SKA2: variants seen among roughly 807,000 people sequenced by gnomAD.
The protein encoded by SKA2 is spindle and kinetochore associated complex subunit 2.
Under a neutral mutation model 16.9 loss-of-function variants are expected in SKA2, and 13 were observed. The ratio of observed to expected loss-of-function variants is 0.77; its 90% CI spans 0.50 to 1.22. The LOEUF is 1.22. Among genes scored for constraint, SKA2 ranks in the 50% most tolerant of loss-of-function variants. The pLI is 0.00. For synonymous variants in SKA2, 47 were observed against 48.5 expected (o/e 0.97, Z 0.13); for missense variants, 107 against 139.7 (o/e 0.77, Z 1.18).
Position 59,112,275 on chromosome 17 carries a change from C to T in SKA2, c.*2G>A. On this transcript the variant is annotated 3_prime_UTR_variant, in exon 4 of 4. Transcript: ENST00000330137. ...TAGAATTTCCTTTCCAAGTCCATTT[C>T]TTCATAAATCTGGCATGTGAAATTT... 3 of 1,608,430 alleles carry T rather than the reference C, an allele frequency of 1.9e-6. No homozygotes were observed. The highest frequency in any genetic ancestry group is 2.5e-6 in the Non-Finnish European group (3 of 1,178,178).
At chr17:59,139,946 A>T (rs2046475497) in intron 1 of SKA2, among the ~76,000 whole-genome samples, 2 of 152,206 alleles carry the variant, frequency 1.3e-5, no homozygotes, top group Admixed American at 1.3e-4. Context: ...ACTACCCTTT[A>T]AAACACGTTT....
chr17:59,122,503 C>T (rs1489584892), intron 2 of SKA2, among the ~76,000 whole-genome samples: 1 of 152,002 alleles, frequency 6.6e-6, no homozygotes, highest in Non-Finnish European at 1.5e-5. Context: ...CCCAGCTACT[C>T]AGGAGGCTGA....
At chr17:59,133,130 T>C (rs1253675091) in intron 1 of SKA2, among the ~76,000 whole-genome samples, 3 of 152,308 alleles carry the variant, frequency 2.0e-5, no homozygotes, top group East Asian at 3.9e-4. Context: ...GCACATGCCA[T>C]GGCACCCAGC....
At chr17:59,144,147 C>T (rs2046513811) in intron 1 of SKA2, among the ~76,000 whole-genome samples, 2 of 151,808 alleles carry the variant, frequency 1.3e-5, no homozygotes. Context: ...AAGCCGAGAT[C>T]GCGCCACTGC....
At chr17:59,114,009 G>A (rs541293948) in intron 3 of SKA2, among the ~76,000 whole-genome samples, 1 of 151,998 alleles carries the variant, frequency 6.6e-6, no homozygotes. Flanking sequence ...TGGCTTTAAC[G>A]GTGCTAGGTA....
chr17:59,133,083 T>G (rs1002097655), intron 1 of SKA2, among the ~76,000 whole-genome samples: 6 of 152,174 alleles, frequency 3.9e-5, no homozygotes, highest in African/African-American at 1.2e-4. Context: ...GCTCGTGGGA[T>G]CCTCCTACCT....
At chr17:59,120,688 G>C (rs186381975) in intron 2 of SKA2, among the ~76,000 whole-genome samples, 138 of 152,294 alleles carry the variant, frequency 9.1e-4, no homozygotes, top group African/African-American at 3.2e-3. Flanking sequence ...CAGGTGATAG[G>C]TAAGGGACTG....
intron 3 of SKA2, among the ~76,000 whole-genome samples, chr17:59,115,951 C>T (rs1366215925): frequency 6.6e-6 from 1 of 152,004 alleles, no homozygotes; most frequent in East Asian, 1.9e-4. Flanking sequence ...CTTTTAATGC[C>T]TTTTTAATTT....
intron 1 of SKA2, among the ~76,000 whole-genome samples, chr17:59,147,139 C>G (rs1035067440): frequency 2.0e-5 from 3 of 151,916 alleles, no homozygotes; most frequent in Non-Finnish European, 4.4e-5. Flanking sequence ...GCCTGGACAA[C>G]AAGAGCAAAA....
chr17:59,143,600 C>G (rs1208494530), intron 1 of SKA2, among the ~76,000 whole-genome samples: 1 of 151,938 alleles, frequency 6.6e-6, no homozygotes, highest in African/African-American at 2.4e-5. Context: ...TCTCAAGCTC[C>G]TGACCTCAGG....
chr17:59,144,229 T>C (rs2147817302), intron 1 of SKA2, among the ~76,000 whole-genome samples: 1 of 151,148 alleles, frequency 6.6e-6, no homozygotes, highest in East Asian at 2.0e-4. Context: ...TCATAGTCAT[T>C]AGGATAGTCA....
At chr17:59,123,355 G>C (rs953973214) in intron 2 of SKA2, among the ~76,000 whole-genome samples, 1 of 150,230 alleles carries the variant, frequency 6.7e-6, no homozygotes, top group African/African-American at 2.4e-5. Context: ...TCAGGAGTGT[G>C]AGACCAGCCT....
intron 2 of SKA2, chr17:59,124,245 C>T (rs2046356110): frequency 6.6e-6 from 1 of 151,982 alleles, no homozygotes; most frequent in Non-Finnish European, 1.5e-5. Flanking sequence ...GCCTAGTAAA[C>T]ATGGCAAAAC....
intron 2 of SKA2, chr17:59,124,434 G>GA (rs11407682): frequency 0.63 from 92,469 of 146,764 alleles, 29,394 homozygotes; most frequent in African/African-American, 0.74. Flanking sequence ...TCTGTCTGGG[G>GA]AAAAAAAAAA....
chr17:59,153,411 C>T (rs1212690752), intron 1 of SKA2, among the ~76,000 whole-genome samples: 1 of 151,948 alleles, frequency 6.6e-6, no homozygotes, highest in Non-Finnish European at 1.5e-5. Context: ...TTCTTCCCTC[C>T]CATTTCTCCC....
intron 1 of SKA2, among the ~76,000 whole-genome samples, chr17:59,148,304 A>G (rs1015404146): frequency 2.0e-5 from 3 of 152,160 alleles, no homozygotes; most frequent in Admixed American, 1.3e-4. Flanking sequence ...TATCCGGCAC[A>G]GTGGTTCACT....
rs558501144 is a variant in SKA2, at chr17:59,139,986, C to T, written c.34-8619G>A. The stretch of plus-strand genomic sequence containing the variant: ...GGAAATATTTCAAGTTCCCAGCAAG[C>T]TAAGGACCACTTATATCATGTCTCC... On this transcript the variant is annotated intron_variant, in intron 1 of 3. Coordinates refer to ENST00000330137, the MANE Select transcript of SKA2 (RefSeq NM_182620.4). 1.1e-4 allele frequency among the ~76,000 whole-genome samples: 16 copies of T among 152,294 alleles called. No individual in the cohort carries two copies. In the South Asian group the frequency reaches 3.3e-3, roughly 32 times the overall value.
chr17:59,128,982 C>T (rs1028674078), intron 2 of SKA2, among the ~76,000 whole-genome samples: 6 of 152,014 alleles, frequency 3.9e-5, no homozygotes, highest in Non-Finnish European at 8.8e-5. Flanking sequence ...ACAGGTGGAA[C>T]AAAGATGAGA....
chr17:59,141,265 C>A (rs889272008), intron 1 of SKA2, among the ~76,000 whole-genome samples: 2 of 151,988 alleles, frequency 1.3e-5, no homozygotes, highest in Admixed American at 6.6e-5. Context: ...GGTATAGTGG[C>A]GTGCGCCTGT....
Sources: allele counts gnomAD v4.1 joint callset (sites outside exome capture counted in the v4.1 genomes callset), GRCh38; gene constraint gnomAD v4.1.1; transcripts MANE v1.5; gene names NCBI Gene and HGNC (gene_info 2026-07-23, HGNC 2026-07-21).